RAB2A: variants seen among roughly 807,000 people sequenced by gnomAD.
The protein encoded by RAB2A is ras-related protein Rab-2A.
In RAB2A, 7 loss-of-function variants were observed where a neutral mutation model predicts 32.5. The observed-to-expected ratio is 0.22, with a 90% CI of 0.12 to 0.40. The LOEUF is 0.40. Among genes scored for constraint, RAB2A ranks in the 10% least tolerant of loss-of-function variants. RAB2A has a pLI of 1.00. For synonymous variants in RAB2A, 79 were observed against 85.2 expected (o/e 0.93, Z 0.40); for missense variants, 108 against 260.7 (o/e 0.41, Z 4.03).
intron 1 of RAB2A, among the ~76,000 whole-genome samples, chr8:60,527,911 G>C (rs1012623401): frequency 4.6e-5 from 7 of 152,142 alleles, no homozygotes; most frequent in Admixed American, 4.6e-4. Context: ...CTATGAGGAA[G>C]ACACCATTTT....
chr8:60,604,575 G>T (rs775083621), intron 6 of RAB2A, among the ~76,000 whole-genome samples: 1 of 152,172 alleles, frequency 6.6e-6, no homozygotes, highest in African/African-American at 2.4e-5. Context: ...CTCAGATGGA[G>T]ATTAGAAAAT....
At chr8:60,551,589 G>C (rs892506245) in intron 1 of RAB2A, among the ~76,000 whole-genome samples, 2 of 152,186 alleles carry the variant, frequency 1.3e-5, no homozygotes, top group Non-Finnish European at 2.9e-5. Context: ...ACTACAGATG[G>C]TCTCTGTCTT....
chr8:60,571,951 T>A, intron 2 of RAB2A, 95 bp from the exon 3 acceptor site: 1 of 801,946 alleles, frequency 1.2e-6, no homozygotes, highest in Non-Finnish European at 2.0e-6. Context: ...TTACCTAGCA[T>A]AGCATGTCTT....
chr8:60,570,432 C>G (rs910929860), intron 2 of RAB2A, among the ~76,000 whole-genome samples: 1 of 152,116 alleles, frequency 6.6e-6, no homozygotes, highest in African/African-American at 2.4e-5. Context: ...CAAAGAACAT[C>G]TGTATCTTAC....
intron 6 of RAB2A, among the ~76,000 whole-genome samples, chr8:60,614,209 A>G (rs1235208317): frequency 6.6e-6 from 1 of 151,548 alleles, no homozygotes. Context: ...TATCCGTGAG[A>G]CCTGCCTTAA....
At chr8:60,526,020 CAT>C (rs146162692) in intron 1 of RAB2A, among the ~76,000 whole-genome samples, 3,917 of 92,238 alleles carry the variant, frequency 0.042, 103 homozygotes, top group South Asian at 0.066. Context: ...TGTGTGTGTA[CAT>C]ATATATATAT....
intron 1 of RAB2A, among the ~76,000 whole-genome samples, chr8:60,554,656 C>T (rs1370224123): frequency 6.6e-6 from 1 of 152,072 alleles, no homozygotes; most frequent in Admixed American, 6.5e-5. Context: ...AGGTTGAGGA[C>T]CAGCCTGGCA....
chr8:60,526,270 C>A (rs1586061151), intron 1 of RAB2A, among the ~76,000 whole-genome samples: 1 of 151,984 alleles, frequency 6.6e-6, no homozygotes, highest in African/African-American at 2.4e-5. Context: ...GGCTGAGACC[C>A]CGTTTCCTTC....
At chr8:60,618,872 T>C (rs1804489221) in intron 7 of RAB2A, 1 of 161,858 alleles carries the variant, frequency 6.2e-6, no homozygotes, top group African/African-American at 2.4e-5. Flanking sequence ...ACACTTTGTC[T>C]ATGGAAATGG....
At chr8:60,528,517 C>T (rs915705788) in intron 1 of RAB2A, among the ~76,000 whole-genome samples, 1 of 152,132 alleles carries the variant, frequency 6.6e-6, no homozygotes, top group Non-Finnish European at 1.5e-5. Context: ...CCACTGTCCC[C>T]CACTTAGCTT....
intron 1 of RAB2A, among the ~76,000 whole-genome samples, chr8:60,529,146 T>C (rs1807438166): frequency 6.6e-6 from 1 of 152,184 alleles, no homozygotes; most frequent in Non-Finnish European, 1.5e-5. Flanking sequence ...TATTGATTTC[T>C]GACTTTATTA....
chr8:60,581,745 C>G (rs539979439), intron 3 of RAB2A, among the ~76,000 whole-genome samples: 2 of 152,036 alleles, frequency 1.3e-5, no homozygotes, highest in Non-Finnish European at 2.9e-5. Flanking sequence ...GTGGCCCACA[C>G]CTGTAACCCC....
At chr8:60,519,413 TA>T (rs1233440150) in intron 1 of RAB2A, among the ~76,000 whole-genome samples, 1 of 152,216 alleles carries the variant, frequency 6.6e-6, no homozygotes, top group Non-Finnish European at 1.5e-5. Context: ...TCTCTATTCT[TA>T]GAGTGCTTTC....
intron 5 of RAB2A, among the ~76,000 whole-genome samples, chr8:60,589,084 G>A (rs951720131): frequency 2.6e-5 from 4 of 152,134 alleles, no homozygotes; most frequent in African/African-American, 9.7e-5. Flanking sequence ...GATGGAAATA[G>A]TTATTCTGTC....
chr8:60,563,295 G>T (rs1328809220), intron 2 of RAB2A, among the ~76,000 whole-genome samples: 1 of 152,178 alleles, frequency 6.6e-6, no homozygotes, highest in Non-Finnish European at 1.5e-5. Context: ...ATAGCTTCAT[G>T]GACACAATTC....
At chr8:60,564,238 T>A (rs986493941) in intron 2 of RAB2A, among the ~76,000 whole-genome samples, 2 of 152,302 alleles carry the variant, frequency 1.3e-5, no homozygotes, top group Non-Finnish European at 1.5e-5. Flanking sequence ...TTTCACAGGT[T>A]TCCACCACTG....
intron 1 of RAB2A, among the ~76,000 whole-genome samples, chr8:60,535,900 G>A (rs1274080755): frequency 6.6e-6 from 1 of 152,168 alleles, no homozygotes; most frequent in Non-Finnish European, 1.5e-5. Context: ...GATTGGCTCA[G>A]TCTAGGACAC....
At chr8:60,562,863 A>G (rs1377320699) in intron 2 of RAB2A, among the ~76,000 whole-genome samples, 1 of 152,158 alleles carries the variant, frequency 6.6e-6, no homozygotes, top group Non-Finnish European at 1.5e-5. Context: ...TTGCATATAT[A>G]CATTGAAAGG....
At chr8:60,545,773 T>C (rs1390286033) in intron 1 of RAB2A, among the ~76,000 whole-genome samples, 1 of 152,172 alleles carries the variant, frequency 6.6e-6, no homozygotes, top group Non-Finnish European at 1.5e-5. Flanking sequence ...AATTACAGAG[T>C]GGTAATGATC....
Sources: gnomAD v4.1 joint callset for allele counts (sites outside exome capture counted in the v4.1 genomes callset) on GRCh38, gnomAD v4.1.1 for gene constraint, MANE v1.5 for transcripts, NCBI Gene and HGNC (gene_info 2026-07-23, HGNC 2026-07-21) for gene names.